TUNAR: variants seen among roughly 807,000 people sequenced by gnomAD.
TUNAR encodes transmembrane neural differentiation associated intracellular calcium regulator.
intron 2 of TUNAR, among the ~76,000 whole-genome samples, chr14:95,919,177 G>A (rs1889652912): frequency 6.6e-6 from 1 of 152,282 alleles, no homozygotes; most frequent in Admixed American, 6.5e-5. Context: ...AAATAAAAAG[G>A]GGGGATCCAC....
chr14:95,884,800 T>C (rs1033705699), intron 2 of TUNAR, among the ~76,000 whole-genome samples: 1 of 152,170 alleles, frequency 6.6e-6, no homozygotes, highest in Non-Finnish European at 1.5e-5. Context: ...ACAATCTGTG[T>C]CTGCGTGGTT....
intron 2 of TUNAR, among the ~76,000 whole-genome samples, chr14:95,911,970 CT>C (rs1340091299): frequency 6.6e-6 from 1 of 152,190 alleles, no homozygotes; most frequent in Non-Finnish European, 1.5e-5. Context: ...GCAATGGCCC[CT>C]TTTGGTTTTC....
chr14:95,881,143 T>C (rs933641013), intron 2 of TUNAR, among the ~76,000 whole-genome samples: 1 of 152,194 alleles, frequency 6.6e-6, no homozygotes, highest in Non-Finnish European at 1.5e-5. Context: ...AGCATGCAGA[T>C]GATTTGACGT....
intron 2 of TUNAR, among the ~76,000 whole-genome samples, chr14:95,894,123 G>A (rs1889222061): frequency 6.6e-6 from 1 of 152,254 alleles, no homozygotes; most frequent in Non-Finnish European, 1.5e-5. Flanking sequence ...CATCCAAGCT[G>A]GGTTAGCGTC....
intron 2 of TUNAR, among the ~76,000 whole-genome samples, chr14:95,900,625 AGCCAG>A (rs1228017589): frequency 1.3e-5 from 2 of 152,238 alleles, no homozygotes; most frequent in Non-Finnish European, 2.9e-5. Context: ...TAAATGAGCC[AGCCAG>A]GGCAGGAGGT....
At chr14:95,881,801 G>T (rs977244300) in intron 2 of TUNAR, among the ~76,000 whole-genome samples, 2 of 152,132 alleles carry the variant, frequency 1.3e-5, no homozygotes, top group African/African-American at 4.8e-5. Context: ...GAGTCCTGTT[G>T]GTAACACTCA....
At chr14:95,888,573 G>A (rs1889115241) in intron 2 of TUNAR, among the ~76,000 whole-genome samples, 1 of 152,160 alleles carries the variant, frequency 6.6e-6, no homozygotes, top group African/African-American at 2.4e-5. Flanking sequence ...TGGGAGTGGG[G>A]AGGCTGGCAC....
chr14:95,914,687 C>T (rs1889574340), intron 2 of TUNAR, among the ~76,000 whole-genome samples: 1 of 152,092 alleles, frequency 6.6e-6, no homozygotes, highest in Admixed American at 6.5e-5. Flanking sequence ...CAATCATCAT[C>T]ATCACCACTT....
At chr14:95,883,247 C>A (rs1429070970) in intron 2 of TUNAR, among the ~76,000 whole-genome samples, 1 of 152,210 alleles carries the variant, frequency 6.6e-6, no homozygotes, top group Non-Finnish European at 1.5e-5. Context: ...TCTGTAGATG[C>A]ATCTTCTACA....
intron 2 of TUNAR, among the ~76,000 whole-genome samples, chr14:95,908,154 G>C (rs376874828): frequency 1.4e-4 from 22 of 152,348 alleles, no homozygotes; most frequent in African/African-American, 5.3e-4. Flanking sequence ...GCTGTTCATG[G>C]CACCTGGGCT....
At chr14:95,881,528 C>T (rs1246261945) in intron 2 of TUNAR, among the ~76,000 whole-genome samples, 1 of 152,210 alleles carries the variant, frequency 6.6e-6, no homozygotes. Context: ...TTAATCCTCC[C>T]CCAAACAACA....
At chr14:95,882,779 G>A (rs1419730576) in intron 2 of TUNAR, among the ~76,000 whole-genome samples, 3 of 152,054 alleles carry the variant, frequency 2.0e-5, no homozygotes, top group South Asian at 2.1e-4. Flanking sequence ...ACATTTCTCC[G>A]CCTCTATCTG....
intron 2 of TUNAR, among the ~76,000 whole-genome samples, chr14:95,894,996 CT>C (rs1386303330): frequency 6.6e-5 from 10 of 152,214 alleles, no homozygotes; most frequent in African/African-American, 2.4e-4. Context: ...CACCTCTCTC[CT>C]GACGATAGGT....
At chr14:95,914,925 G>A (rs1454318038) in intron 2 of TUNAR, among the ~76,000 whole-genome samples, 1 of 152,196 alleles carries the variant, frequency 6.6e-6, no homozygotes, top group Non-Finnish European at 1.5e-5. Context: ...AAACCGTGGT[G>A]CTCCCTTGCA....
At chr14:95,919,246 C>T (rs1314045936) in intron 2 of TUNAR, among the ~76,000 whole-genome samples, 1 of 152,212 alleles carries the variant, frequency 6.6e-6, no homozygotes, top group Non-Finnish European at 1.5e-5. Flanking sequence ...TAGCAGTATC[C>T]ACTAATGTCA....
intron 2 of TUNAR, among the ~76,000 whole-genome samples, chr14:95,911,679 A>G (rs1379188479): frequency 6.6e-6 from 1 of 152,196 alleles, no homozygotes; most frequent in Admixed American, 6.5e-5. Flanking sequence ...ACGGAGAAAC[A>G]CTCAGAATTA....
intron 2 of TUNAR, among the ~76,000 whole-genome samples, chr14:95,894,816 A>G (rs1889234308): frequency 6.6e-6 from 1 of 152,216 alleles, no homozygotes. Flanking sequence ...GATTGGGATG[A>G]CGCACAGGGA....
chr14:95,903,634 C>A (rs140631452), intron 2 of TUNAR, among the ~76,000 whole-genome samples: 2 of 152,226 alleles, frequency 1.3e-5, no homozygotes, highest in Non-Finnish European at 2.9e-5. Flanking sequence ...CCAGTGTTCC[C>A]GTTACCTATT....
exon 3 of TUNAR, chr14:95,925,283 CT>C (rs1889768997): frequency 6.6e-6 from 1 of 152,232 alleles, no homozygotes; most frequent in Non-Finnish European, 1.5e-5. Context: ...TTCCTTAGCC[CT>C]TGGGGGTCCG....
Sources: gnomAD v4.1 joint callset for allele counts (sites outside exome capture counted in the v4.1 genomes callset) on GRCh38, gnomAD v4.1.1 for gene constraint, MANE v1.5 for transcripts, NCBI Gene and HGNC (gene_info 2026-07-23, HGNC 2026-07-21) for gene names.